LSM8: variants seen among roughly 807,000 people sequenced by gnomAD.
The protein encoded by LSM8 is LSM8 homolog, U6 small nuclear RNA associated, also known as LSM8 U6 small nuclear RNA associated.
A neutral mutation model predicts 15.0 loss-of-function variants in LSM8; 14 were observed. The ratio of observed to expected loss-of-function variants is 0.93; its 90% CI spans 0.62 to 1.46. LSM8 has a LOEUF of 1.46. Among genes scored for constraint, LSM8 ranks in the 40% most tolerant of loss-of-function variants. The pLI, the probability that LSM8 is intolerant of heterozygous loss-of-function variation, is 0.00. For synonymous variants in LSM8, 50 were observed against 42.1 expected (o/e 1.19, Z -0.73); for missense variants, 90 against 115.4 (o/e 0.78, Z 1.01).
rs1283466386 is a variant in LSM8, at chr7:118,197,955, G to T, written c.*5953G>T. 3.3e-5 allele frequency among the ~76,000 whole-genome samples: 5 copies of T among 152,140 alleles called. No homozygotes were observed. Among genetic ancestry groups the T allele is most frequent in the Non-Finnish European group, 7.3e-5 (5 of 68,036 alleles). On this transcript the variant is annotated 3_prime_UTR_variant, in exon 4 of 4. Transcript: ENST00000249299. Reference sequence around the variant, plus strand: ...ATTAATGATAGCTAACAATTATCCTGATATTGAATGATGGACTCCAAATTA... The same window carrying T: ...ATTAATGATAGCTAACAATTATCCTTATATTGAATGATGGACTCCAAATTA...
rs556924314 is a variant in LSM8, at chr7:118,187,960, C to T, written c.73-318C>T. ...TAAATATCCTTTGTCTTAGTTTATA[C>T]CTTTAGCTGCTGGTCTACATAAGCT... On this transcript the variant is annotated intron_variant, in intron 2 of 3. Coordinates refer to ENST00000249299, the MANE Select transcript of LSM8 (RefSeq NM_016200.5). Among the ~76,000 whole-genome samples the T allele has an allele frequency of 7.2e-5, 11 of 152,226 alleles. No homozygotes were observed. In the South Asian group the frequency reaches 2.3e-3, roughly 32 times the overall value.
rs568485864 is a variant in LSM8 at position 118,202,177 on chromosome 7, C to G, written c.*10175C>G. Among the ~76,000 whole-genome samples, 1 of 151,990 alleles carries G rather than the reference C, an allele frequency of 6.6e-6. No individual in the cohort carries two copies. Among genetic ancestry groups the G allele is most frequent in the African/African-American group, 2.4e-5 (1 of 41,412 alleles). ...GGCAGTTTTTTTGTTTTTGTTTTTG[C>G]TTGTGTCACACATAATGCTGATGAA... On this transcript the variant is annotated 3_prime_UTR_variant, in exon 4 of 4. Coordinates refer to ENST00000249299, the MANE Select transcript of LSM8 (RefSeq NM_016200.5).
At chr7:118,184,522 G>C (rs1419856010) in intron 1 of LSM8, 6 of 378,270 alleles carry the variant, frequency 1.6e-5, no homozygotes, top group Non-Finnish European at 9.5e-6. Flanking sequence ...AAAAATGTAC[G>C]CTCTTGATTC....
chr7:118,196,178 A>G lies in LSM8; in HGVS notation c.*4176A>G, dbSNP rs1175617514. Reference sequence around the variant, plus strand: ...TAATACATGCCAGGCAGTATGCTCAAAGCTGTGGATAGGCCAGGGAACAGT... The same window carrying G: ...TAATACATGCCAGGCAGTATGCTCAGAGCTGTGGATAGGCCAGGGAACAGT... On this transcript the variant is annotated 3_prime_UTR_variant, in exon 4 of 4. Coordinates refer to ENST00000249299, the MANE Select transcript of LSM8 (RefSeq NM_016200.5). 6.6e-6 allele frequency among the ~76,000 whole-genome samples: 1 copy of G among 152,166 alleles called. No individual in the cohort carries two copies. The highest frequency in any genetic ancestry group is 2.4e-5 in the African/African-American group (1 of 41,438).
rs1809055653 is a variant in LSM8, at chr7:118,194,978, T to G, written c.*2976T>G. 6.6e-6 allele frequency among the ~76,000 whole-genome samples: 1 copy of G among 152,176 alleles called. No individual in the cohort carries two copies. The highest frequency in any genetic ancestry group is 1.5e-5 in the Non-Finnish European group (1 of 68,012). Reference sequence around the variant, plus strand: ...CTCAAATTCAACTAGGTCTTTCAGCTTTTTATACAATACTGCCTGTTATCA... The same window carrying G: ...CTCAAATTCAACTAGGTCTTTCAGCGTTTTATACAATACTGCCTGTTATCA... On this transcript the variant is annotated 3_prime_UTR_variant, in exon 4 of 4. Coordinates refer to ENST00000249299, the MANE Select transcript of LSM8 (RefSeq NM_016200.5).
At position 118,196,476 on chromosome 7, in the gene LSM8, T is replaced by C. The variant is rs1256965186; in HGVS notation, c.*4474T>C. ...TCTAAGGATAAAGGCGAAATAGGAC[T>C]TCACCAGGAGAATTTCTTTCATTAG... On this transcript the variant is annotated 3_prime_UTR_variant, in exon 4 of 4. Transcript: ENST00000249299. 6.6e-6 allele frequency among the ~76,000 whole-genome samples: 1 copy of C among 152,072 alleles called. No homozygotes were observed. Among genetic ancestry groups the C allele is most frequent in the African/African-American group, 2.4e-5 (1 of 41,422 alleles).
rs1017409000 is a variant in LSM8, at chr7:118,185,816, A to C, written c.72+122A>C. 1.0e-4 allele frequency: 84 copies of C among 817,560 alleles called. No individual in the cohort carries two copies. The African/African-American group carries it at 1.4e-3, about 14-fold the overall frequency. The allele number at this position is 817,560 out of a possible 1,614,324, so 50.6% of individuals were successfully genotyped here. On this transcript the variant is annotated intron_variant, in intron 2 of 3. Transcript: ENST00000249299. ...TACACCCGTAGTGCAATTTTATTAT[A>C]ATTCAGCTCTTTATCACTTTGCTGT... is the stretch of plus-strand genomic sequence containing the variant.
At position 118,198,471 on chromosome 7, in the gene LSM8, A is replaced by G. The variant is rs577934948; in HGVS notation, c.*6469A>G. Reference sequence around the variant, plus strand: ...ATTTCCTGAGTATTTACTGCATGACAGTAACAGAGATGACATGCCCGGTAA... The same window carrying G: ...ATTTCCTGAGTATTTACTGCATGACGGTAACAGAGATGACATGCCCGGTAA... On this transcript the variant is annotated 3_prime_UTR_variant, in exon 4 of 4. Transcript: ENST00000249299. Among the ~76,000 whole-genome samples, 2 of 152,318 alleles carry G rather than the reference A, an allele frequency of 1.3e-5. No individual in the cohort carries two copies. The highest frequency in any genetic ancestry group is 1.9e-4 in the East Asian group (1 of 5,184).
rs1436126140 is a variant in LSM8 at position 118,194,987 on chromosome 7, A to G, written c.*2985A>G. Among the ~76,000 whole-genome samples, 1 of 152,156 alleles carries G rather than the reference A, an allele frequency of 6.6e-6. No individual in the cohort carries two copies. The highest frequency in any genetic ancestry group is 1.5e-5 in the Non-Finnish European group (1 of 68,014). On this transcript the variant is annotated 3_prime_UTR_variant, in exon 4 of 4. Transcript: ENST00000249299. The stretch of plus-strand genomic sequence containing the variant: ...AACTAGGTCTTTCAGCTTTTTATAC[A>G]ATACTGCCTGTTATCAGAAAGTATA...
chr7:118,185,550 T>C (rs778061770), intron 1 of LSM8, 104 bp from the exon 2 acceptor site: 35 of 1,009,308 alleles, frequency 3.5e-5, no homozygotes, highest in South Asian at 1.4e-4. Context: ...TGAATACTTA[T>C]ACCTAGTTGT....
rs955622158 is a variant in LSM8, at chr7:118,200,281, T to A, written c.*8279T>A. ...AGTTTCAGAGTCATGAAACAAATCA[T>A]AAGTAGCTGCTCTGGTGCTCTCTAG... is the stretch of plus-strand genomic sequence containing the variant. On this transcript the variant is annotated 3_prime_UTR_variant, in exon 4 of 4. Coordinates refer to ENST00000249299, the MANE Select transcript of LSM8 (RefSeq NM_016200.5). 3.3e-5 allele frequency among the ~76,000 whole-genome samples: 5 copies of A among 152,116 alleles called. No homozygotes were observed. Among genetic ancestry groups the A allele is most frequent in the Non-Finnish European group, 7.4e-5 (5 of 68,002 alleles).
chr7:118,184,494 G>A (rs2116315755), intron 1 of LSM8: 1 of 420,978 alleles, frequency 2.4e-6, no homozygotes, highest in Non-Finnish European at 4.2e-6. Context: ...TGATTATTCC[G>A]AACTTTTCTG....
rs936447017 is a variant in LSM8, at chr7:118,196,237, A to G, written c.*4235A>G. Among the ~76,000 whole-genome samples, 1 of 152,232 alleles carries G rather than the reference A, an allele frequency of 6.6e-6. No homozygotes were observed. Among genetic ancestry groups the G allele is most frequent in the Non-Finnish European group, 1.5e-5 (1 of 68,042 alleles). ...GCTTGTGAAGCTTCTATCTGTCTGT[A>G]TCTACCTCAACCAAATCATCTTGAC... On this transcript the variant is annotated 3_prime_UTR_variant, in exon 4 of 4. Transcript: ENST00000249299.
rs1375394427 is a variant in LSM8, at chr7:118,199,255, A to G, written c.*7253A>G. On this transcript the variant is annotated 3_prime_UTR_variant, in exon 4 of 4. Transcript: ENST00000249299. ...TGGGGACCCCCAACTCACTATCTAA[A>G]TAAAATTTTCATTGAAAATTAGTGA... 6.6e-6 allele frequency among the ~76,000 whole-genome samples: 1 copy of G among 152,100 alleles called. No individual in the cohort carries two copies. Among genetic ancestry groups the G allele is most frequent in the East Asian group, 1.9e-4 (1 of 5,194 alleles).
chr7:118,185,365 T>A (rs1584704804), intron 1 of LSM8: 1 of 263,766 alleles, frequency 3.8e-6, no homozygotes, highest in Admixed American at 5.5e-5. Flanking sequence ...GCCCAAGCAA[T>A]CCTCCTGCCT....
In LSM8 at chr7:118,201,956, G is replaced by A. The variant is rs1179779738; in HGVS notation, c.*9954G>A. 6.6e-6 allele frequency among the ~76,000 whole-genome samples: 1 copy of A among 151,986 alleles called. No individual in the cohort carries two copies. ...AACAAATGCCCTGTGAATCTGCATGGCATAAATCAAGTCTCTAGATCCTGA... is the reference window on the plus strand; with the variant it reads ...AACAAATGCCCTGTGAATCTGCATGACATAAATCAAGTCTCTAGATCCTGA... On this transcript the variant is annotated 3_prime_UTR_variant, in exon 4 of 4. Transcript: ENST00000249299.
chr7:118,198,684 CAAG>C lies in LSM8; in HGVS notation c.*6686_*6688del, dbSNP rs1242323630. 6.6e-6 allele frequency among the ~76,000 whole-genome samples: 1 copy of C among 152,084 alleles called. No homozygotes were observed. Among genetic ancestry groups the C allele is most frequent in the Non-Finnish European group, 1.5e-5 (1 of 68,018 alleles). Reference sequence around the variant, plus strand: ...AACTTCAAATTGGCAGACAGGAAGGCAAGAAGGAGTAAGATGTGGTTGAGTAAT... The same window carrying C: ...AACTTCAAATTGGCAGACAGGAAGGCAAGGAGTAAGATGTGGTTGAGTAAT... On this transcript the variant is annotated 3_prime_UTR_variant, in exon 4 of 4. Transcript: ENST00000249299.
rs747790850 is a variant in LSM8 at position 118,192,039 on chromosome 7, T to A, written c.*37T>A. 23 of 1,487,610 alleles carry A rather than the reference T, an allele frequency of 1.5e-5. No individual in the cohort carries two copies. The East Asian group carries it at 4.8e-4, about 31-fold the overall frequency. The allele number at this position is 1,487,610 out of a possible 1,614,324, so 92.2% of individuals were successfully genotyped here. On this transcript the variant is annotated 3_prime_UTR_variant, in exon 4 of 4. Transcript: ENST00000249299. ...ATACTTGGACATCTGTAAATCTTTGTACAGAAACTGATTATTCTGAGGATG... is the reference window on the plus strand; with the variant it reads ...ATACTTGGACATCTGTAAATCTTTGAACAGAAACTGATTATTCTGAGGATG...
chr7:118,194,359 G>C lies in LSM8; in HGVS notation c.*2357G>C, dbSNP rs1483071722. On this transcript the variant is annotated 3_prime_UTR_variant, in exon 4 of 4. Coordinates refer to ENST00000249299, the MANE Select transcript of LSM8 (RefSeq NM_016200.5). ...TTGGAAAGGGCAATTAACTGCAAAA[G>C]GGACTTTTTTTTTTTTAACTGACAA... Among the ~76,000 whole-genome samples the C allele has an allele frequency of 1.2e-5, 1 of 81,836 alleles. No homozygotes were observed. The highest frequency in any genetic ancestry group is 2.5e-5 in the Non-Finnish European group (1 of 39,920). The allele number at this position is 81,836 out of a possible 152,430, so 53.7% of individuals were successfully genotyped here.
Sources: gnomAD v4.1 joint callset for allele counts (sites outside exome capture counted in the v4.1 genomes callset) on GRCh38, gnomAD v4.1.1 for gene constraint, MANE v1.5 for transcripts, NCBI Gene and HGNC (gene_info 2026-07-23, HGNC 2026-07-21) for gene names.